The following SYNPR variants were observed in gnomAD, a reference collection of about 807,000 sequenced individuals.
The protein encoded by SYNPR is synaptoporin.
Under a neutral mutation model 32.9 loss-of-function variants are expected in SYNPR, and 23 were observed. That is an observed-to-expected ratio of 0.70 (90% confidence interval 0.50 to 0.99). The LOEUF is 0.99. SYNPR is among the 50% of genes least tolerant of loss of function. The pLI, the probability that SYNPR is intolerant of heterozygous loss-of-function variation, is 0.00. For missense variants in SYNPR, 318 were observed against 349.3 expected (o/e 0.91, Z 0.71); for synonymous variants, 146 against 135.9 (o/e 1.07, Z -0.52).
intron 2 of SYNPR, among the ~76,000 whole-genome samples, chr3:63,480,222 C>T (rs985067857): frequency 6.6e-6 from 1 of 152,114 alleles, no homozygotes; most frequent in Admixed American, 6.5e-5. Flanking sequence ...TAATAGTTGA[C>T]TTAGAAACAG....
rs183118418 is a variant in SYNPR, at chr3:63,325,260, G to A, written c.84+46518G>A. ...AGATAATAGTAATGACCATTCACAT[G>A]TACCAAGCATTTGCTCACATGTAAT... On this transcript the variant is annotated intron_variant, in intron 2 of 5. Transcript: ENST00000478300. Among the ~76,000 whole-genome samples the A allele has an allele frequency of 2.6e-5, 4 of 152,206 alleles. No homozygotes were observed. In the East Asian group the frequency reaches 7.8e-4, roughly 30 times the overall value.
intron 2 of SYNPR, among the ~76,000 whole-genome samples, chr3:63,404,460 A>G (rs565082397): frequency 6.6e-6 from 1 of 152,338 alleles, no homozygotes; most frequent in African/African-American, 2.4e-5. Context: ...TATTTAAAAG[A>G]AAATCAATTA....
At chr3:63,268,911 A>G (rs1255546913) in intron 3 of SYNPR, among the ~76,000 whole-genome samples, 1 of 152,252 alleles carries the variant, frequency 6.6e-6, no homozygotes, top group Non-Finnish European at 1.5e-5. Flanking sequence ...TGCGAATGCT[A>G]GAAATTTATT....
intron 2 of SYNPR, among the ~76,000 whole-genome samples, chr3:63,459,210 C>T (rs1358750380): frequency 1.3e-5 from 2 of 152,104 alleles, no homozygotes; most frequent in East Asian, 3.9e-4. Flanking sequence ...GATTTACTCC[C>T]ACTATTCACC....
At chr3:63,602,447 C>G (rs1271276385) in intron 4 of SYNPR, among the ~76,000 whole-genome samples, 1 of 151,982 alleles carries the variant, frequency 6.6e-6, no homozygotes, top group African/African-American at 2.4e-5. Flanking sequence ...GGATGCATTT[C>G]CTAGGTTATC....
chr3:63,351,513 T>C (rs1484282588), intron 2 of SYNPR: 1 of 152,188 alleles, frequency 6.6e-6, no homozygotes, highest in African/African-American at 2.4e-5. Flanking sequence ...AAATTGAAAT[T>C]AAAACAGTAG....
intron 2 of SYNPR, among the ~76,000 whole-genome samples, chr3:63,256,944 C>T (rs983761350): frequency 6.6e-6 from 1 of 151,994 alleles, no homozygotes; most frequent in Non-Finnish European, 1.5e-5. Context: ...GCAGCCAATT[C>T]GATCAACTGG....
chr3:63,397,910 G>C (rs541412955), intron 2 of SYNPR, among the ~76,000 whole-genome samples: 130 of 152,298 alleles, frequency 8.5e-4, no homozygotes, highest in Non-Finnish European at 1.1e-3. Flanking sequence ...ATTGAGACAA[G>C]TATAGAAATA....
chr3:63,345,062 A>C (rs779901252), intron 2 of SYNPR, among the ~76,000 whole-genome samples: 1 of 152,222 alleles, frequency 6.6e-6, no homozygotes, highest in Non-Finnish European at 1.5e-5. Context: ...TAAAGGGACA[A>C]TTAGGCAAAT....
upstream of SYNPR, among the ~76,000 whole-genome samples, chr3:63,225,727 A>C (rs551725624): frequency 6.6e-5 from 10 of 152,326 alleles, no homozygotes; most frequent in South Asian, 1.9e-3. Flanking sequence ...AACAATTCCT[A>C]TTGGACATTG....
At chr3:63,243,146 T>C (rs1050276703) in intron 1 of SYNPR, among the ~76,000 whole-genome samples, 3 of 151,980 alleles carry the variant, frequency 2.0e-5, no homozygotes, top group Admixed American at 6.6e-5. Context: ...TGATATCTAA[T>C]GTTAGAAGAG....
Position 63,581,078 on chromosome 3 carries a change from C to T in SYNPR, c.408+24337C>T, listed in dbSNP as rs146015488. ...ATTAACCCCTGTACTCTACACTCTA[C>T]TGCCTTTGTAAAGAATGAAAAGTGA... On this transcript the variant is annotated intron_variant, in intron 4 of 5. Transcript: ENST00000478300. Among the ~76,000 whole-genome samples, 192 of 152,266 alleles carry T rather than the reference C, an allele frequency of 1.3e-3. 1 individual carries two copies. The highest frequency in any genetic ancestry group is 1.4e-3 in the Non-Finnish European group (95 of 68,016).
intron 2 of SYNPR, among the ~76,000 whole-genome samples, chr3:63,303,648 T>TA (rs1319863714): frequency 6.6e-6 from 1 of 152,054 alleles, no homozygotes; most frequent in Non-Finnish European, 1.5e-5. Flanking sequence ...GTAACTATTG[T>TA]AATCTGTAAA....
chr3:63,274,506 T>C (rs913204076), upstream of SYNPR, among the ~76,000 whole-genome samples: 1 of 152,234 alleles, frequency 6.6e-6, no homozygotes, highest in Non-Finnish European at 1.5e-5. Context: ...ATTAACCCTC[T>C]TTGAGATTCA....
At chr3:63,486,100 G>A (rs1362213295) in intron 3 of SYNPR, among the ~76,000 whole-genome samples, 1 of 152,068 alleles carries the variant, frequency 6.6e-6, no homozygotes, top group African/African-American at 2.4e-5. Context: ...GTAGAGACAG[G>A]GTTTCACCAT....
intron 3 of SYNPR, among the ~76,000 whole-genome samples, chr3:63,540,917 CAATCCCCCCCCCA>C (rs368752653): frequency 1.3e-4 from 14 of 106,376 alleles, no homozygotes; most frequent in African/African-American, 2.3e-4. Flanking sequence ...CACACACACA[CAATCCCCCCCCCA>C]ACACACACAC....
At chr3:63,235,116 C>T (rs184484242) in intron 1 of SYNPR, among the ~76,000 whole-genome samples, 1 of 152,086 alleles carries the variant, frequency 6.6e-6, no homozygotes, top group Non-Finnish European at 1.5e-5. Context: ...AAGTTTTTTA[C>T]AATGTTACCA....
chr3:63,204,813 G>A, the SYNPR span, among the ~76,000 whole-genome samples: 1 of 151,934 alleles, frequency 6.6e-6, no homozygotes, highest in Non-Finnish European at 1.5e-5. Flanking sequence ...TCAGCCTCCT[G>A]AGTAGCTGGG....
intron 2 of SYNPR, among the ~76,000 whole-genome samples, chr3:63,475,360 G>T (rs1700880446): frequency 6.6e-6 from 1 of 152,172 alleles, no homozygotes; most frequent in Non-Finnish European, 1.5e-5. Flanking sequence ...TTATGATATT[G>T]ATTATATTAG....
Sources: allele counts gnomAD v4.1 joint callset (sites outside exome capture counted in the v4.1 genomes callset), GRCh38; gene constraint gnomAD v4.1.1; transcripts MANE v1.5; gene names NCBI Gene and HGNC (gene_info 2026-07-23, HGNC 2026-07-21).